Variants in SPATA9 observed in about 807,000 individuals in gnomAD.
SPATA9 encodes the protein spermatogenesis associated 9, also known as spermatogenesis-associated protein 9.
A neutral mutation model predicts 25.5 loss-of-function variants in SPATA9; 27 were observed. The ratio of observed to expected loss-of-function variants is 1.06; its 90% confidence interval spans 0.78 to 1.46. The LOEUF is 1.46. SPATA9 is among the 40% of genes most tolerant of loss of function. The pLI is 0.00. For synonymous variants in SPATA9, 102 were observed against 105.7 expected, an observed-to-expected ratio of 0.97 and a Z score of 0.21; for missense variants, 282 against 297.5, an observed-to-expected ratio of 0.95 and a Z score of 0.38.
intron 4 of SPATA9, 122 bp downstream of exon 4, chr5:95,663,831 T>A (rs1751498893): frequency 3.9e-6 from 2 of 508,960 alleles, no homozygotes; most frequent in East Asian, 3.6e-5. Flanking sequence ...TAAAATTGTT[T>A]TGTGTAACGA....
the SPATA9 span, chr5:95,730,865 G>A: frequency 2.2e-6 from 1 of 455,548 alleles, no homozygotes; most frequent in Non-Finnish European, 4.4e-6. Flanking sequence ...CAGCTGTAGC[G>A]CATGTTGACA....
chr5:95,708,690 G>C, the SPATA9 span: 1 of 695,464 alleles, frequency 1.4e-6, no homozygotes, highest in Non-Finnish European at 2.6e-6. Flanking sequence ...CTGCTGCAAG[G>C]TTGACACTTT....
downstream of SPATA9, chr5:95,652,593 CTTTA>C (rs1293957583): frequency 5.5e-6 from 2 of 360,596 alleles, no homozygotes; most frequent in Non-Finnish European, 9.8e-6. Flanking sequence ...TGGGAGTCAT[CTTTA>C]TTTATTTTTC....
At chr5:95,721,501 G>A in the SPATA9 span, among the ~76,000 whole-genome samples, 121 of 152,138 alleles carry the variant, frequency 8.0e-4, 1 homozygote, top group African/African-American at 2.7e-3. Flanking sequence ...GTTTGGATCT[G>A]GCTAAATATA....
chr5:95,730,791 G>A, the SPATA9 span: 3 of 431,476 alleles, frequency 7.0e-6, no homozygotes, highest in South Asian at 1.6e-5. Context: ...TGTGAACAAA[G>A]AACTCTTTCT....
chr5:95,665,134 C>T (rs1164612464), intron 3 of SPATA9, among the ~76,000 whole-genome samples: 2 of 152,088 alleles, frequency 1.3e-5, no homozygotes, highest in African/African-American at 4.8e-5. Flanking sequence ...CCATAGAAGT[C>T]TATGTTATAT....
chr5:95,729,771 T>C, the SPATA9 span, among the ~76,000 whole-genome samples: 14 of 152,236 alleles, frequency 9.2e-5, no homozygotes, highest in Non-Finnish European at 1.9e-4. Flanking sequence ...GAATCACTTT[T>C]TGTGATTTGC....
chr5:95,671,689 A>G (rs1018340199), intron 3 of SPATA9, among the ~76,000 whole-genome samples: 29 of 152,180 alleles, frequency 1.9e-4, no homozygotes, highest in Non-Finnish European at 7.3e-5. Context: ...GATTACAGGC[A>G]TGAGCCACCA....
chr5:95,710,669 C>CTTCA, the SPATA9 span, among the ~76,000 whole-genome samples: 1 of 152,170 alleles, frequency 6.6e-6, no homozygotes, highest in Non-Finnish European at 1.5e-5. Context: ...AAAGCAGAGG[C>CTTCA]TTCAGTTAAT....
At chr5:95,692,758 A>T (rs1753923062) in intron 1 of SPATA9, among the ~76,000 whole-genome samples, 2 of 152,074 alleles carry the variant, frequency 1.3e-5, no homozygotes, top group South Asian at 2.1e-4. Flanking sequence ...ATATTATATT[A>T]TTATTTCTTT....
At chr5:95,723,718 C>T in the SPATA9 span, among the ~76,000 whole-genome samples, 1 of 152,206 alleles carries the variant, frequency 6.6e-6, no homozygotes, top group Non-Finnish European at 1.5e-5. Flanking sequence ...CCCTATCTCT[C>T]CTTTACTTCC....
chr5:95,659,005 CATT>C (rs1266245803), intron 4 of SPATA9, 92 bp from the exon 5 acceptor site: 24 of 1,458,086 alleles, frequency 1.6e-5, no homozygotes, highest in Non-Finnish European at 2.0e-5. Context: ...CACATAAAGT[CATT>C]TAATCTACAT....
chr5:95,677,896 A>G (rs909918266), intron 2 of SPATA9, among the ~76,000 whole-genome samples: 4 of 152,264 alleles, frequency 2.6e-5, no homozygotes, highest in Non-Finnish European at 5.9e-5. Context: ...CAATTGTAGT[A>G]CATAATTTAA....
At chr5:95,690,046 T>G (rs1437643305) in intron 1 of SPATA9, among the ~76,000 whole-genome samples, 1 of 151,948 alleles carries the variant, frequency 6.6e-6, no homozygotes, top group African/African-American at 2.4e-5. Flanking sequence ...GGGTGAAAGT[T>G]GGAAGGAGGG....
At chr5:95,676,964 GT>G (rs1401035030) in intron 2 of SPATA9, among the ~76,000 whole-genome samples, 1 of 152,100 alleles carries the variant, frequency 6.6e-6, no homozygotes, top group African/African-American at 2.4e-5. Context: ...ACTTGTCGAA[GT>G]TTTTAGGTGT....
chr5:95,718,939 T>C, the SPATA9 span, among the ~76,000 whole-genome samples: 2 of 152,242 alleles, frequency 1.3e-5, no homozygotes, highest in Admixed American at 1.3e-4. Context: ...TCCAAGTTGT[T>C]GGATAACTGA....
At chr5:95,664,245 A>C (rs911217230) in intron 3 of SPATA9, among the ~76,000 whole-genome samples, 197 bp from the exon 4 acceptor site, 4 of 152,194 alleles carry the variant, frequency 2.6e-5, no homozygotes, top group African/African-American at 9.7e-5. Context: ...TGCTAATCAA[A>C]ACCTGTGACA....
chr5:95,698,238 A>G (rs1754086184), intron 1 of SPATA9, among the ~76,000 whole-genome samples: 1 of 152,180 alleles, frequency 6.6e-6, no homozygotes, highest in African/African-American at 2.4e-5. Flanking sequence ...ATTGGCAGAG[A>G]GGAGGAAACG....
At chr5:95,656,120 G>C, downstream of SPATA9, 1 of 1,613,716 alleles carries the variant, frequency 6.2e-7, no homozygotes, top group Non-Finnish European at 8.5e-7. Flanking sequence ...GAGAAGGTCT[G>C]TACCAGTCTA....
Sources: allele counts gnomAD v4.1 joint callset (sites outside exome capture counted in the v4.1 genomes callset), GRCh38; gene constraint gnomAD v4.1.1; transcripts MANE v1.5; gene names NCBI Gene and HGNC (gene_info 2026-07-23, HGNC 2026-07-21).